The following COL4A5 variants were observed in gnomAD, a reference collection of about 807,000 sequenced individuals.
COL4A5 encodes the protein collagen type IV alpha 5 chain, also known as collagen alpha-5(IV) chain.
A neutral mutation model predicts 130.2 loss-of-function variants in COL4A5; 26 were observed. That is an observed-to-expected ratio of 0.20 (90% CI 0.15 to 0.28). The LOEUF (loss-of-function observed/expected upper bound fraction) is 0.28. Ranked by LOEUF, COL4A5 falls within the 10% of genes least tolerant of loss-of-function variation. COL4A5 has a pLI of 1.00. For missense variants in COL4A5, 1,131 were observed against 1,344.3 expected (o/e 0.84, Z 2.48); for synonymous variants, 496 against 439.6 (o/e 1.13, Z -1.60).
At chrX:108,615,438 C>T (rs1457277501) in intron 30 of COL4A5, among the ~76,000 whole-genome samples, 1 of 111,389 alleles carries the variant, frequency 9.0e-6, no homozygotes, top group African/African-American at 3.3e-5. Flanking sequence ...GCAAAACTTT[C>T]TGTAAAAGTG....
intron 1 of COL4A5, among the ~76,000 whole-genome samples, chrX:108,533,014 T>G (rs1177418001): frequency 1.8e-5 from 2 of 111,581 alleles, no homozygotes; most frequent in East Asian, 5.6e-4. Context: ...CAATGCAATT[T>G]TTTCACAGAA....
chrX:108,665,574 A>G lies in COL4A5; in HGVS notation c.3441A>G (p.Glu1147=). Residue 1147 remains glutamate, a synonymous_variant, in exon 38 of 53, where the codon GAA becomes GAG. Coordinates refer to ENST00000328300, the MANE Select transcript of COL4A5 (RefSeq NM_033380.3). ...CTGGGAACCCCGGCCTTCCAGGAGA[A>G]CCTGGTCCTGTAGGTAAGCATGAAA... ...GPPGNPGLPG[E]PGPVGGGGHP... 8.4e-7 allele frequency: 1 copy of G among 1,196,416 alleles called. No individual in the cohort carries two copies. Among genetic ancestry groups the G allele is most frequent in the Non-Finnish European group, 1.1e-6 (1 of 882,149 alleles).
At chrX:108,599,647 T>C (rs2066591642) in intron 25 of COL4A5, among the ~76,000 whole-genome samples, 1 of 111,582 alleles carries the variant, frequency 9.0e-6, no homozygotes, top group Non-Finnish European at 1.9e-5. Flanking sequence ...AGGGCAAGAG[T>C]TGGCACACTA....
In COL4A5 at chrX:108,620,425, A is replaced by G; in HGVS notation, c.2676A>G (p.Pro892=). 1 of 1,203,115 alleles carries G rather than the reference A, an allele frequency of 8.3e-7. No homozygotes were observed. The highest frequency in any genetic ancestry group is 1.1e-6 in the Non-Finnish European group (1 of 889,275). The change falls in exon 31 of 53, where the codon CCA becomes CCG. Residue 892 remains proline (P), a splice_region_variant and synonymous_variant. Coordinates refer to ENST00000328300, the MANE Select transcript of COL4A5 (RefSeq NM_033380.3). The stretch of plus-strand genomic sequence containing the variant: ...GAAAAGCAGGTGCCTCTGGATTTCC[A>G]GGTAATTTGTTTAAAGTTTTCTCTG... ...LPGKAGASGF[P]GTKGEMGMMG...
intron 1 of COL4A5, among the ~76,000 whole-genome samples, chrX:108,497,004 A>G (rs1467661605): frequency 8.9e-6 from 1 of 111,861 alleles, no homozygotes; most frequent in African/African-American, 3.2e-5. Context: ...GAGAAATCCC[A>G]TACCCTTTAC....
chrX:108,694,858 G>A lies in COL4A5; in HGVS notation c.4758G>A (p.Thr1586=), dbSNP rs761701751. 9 of 1,210,512 alleles carry A rather than the reference G, an allele frequency of 7.4e-6. No homozygotes were observed. The highest frequency in any genetic ancestry group is 7.8e-6 in the Non-Finnish European group (7 of 894,616). The change falls in exon 51 of 53, where the codon ACG becomes ACA. Residue 1586 remains threonine, a synonymous_variant. Coordinates refer to ENST00000328300, the MANE Select transcript of COL4A5 (RefSeq NM_033380.3). Reference sequence around the variant, plus strand: ...TGGTGATCGCAGTTCACAGTCAGACGATCCAGATTCCCCATTGTCCTCAGG... The same window carrying A: ...TGGTGATCGCAGTTCACAGTCAGACAATCCAGATTCCCCATTGTCCTCAGG... ...PAVVIAVHSQ[T]IQIPHCPQGW...
intron 1 of COL4A5, among the ~76,000 whole-genome samples, chrX:108,446,968 G>C (rs562035915): frequency 9.0e-6 from 1 of 111,095 alleles, no homozygotes; most frequent in South Asian, 3.8e-4. Flanking sequence ...TTTCTCCCCT[G>C]GGCAGAAGGT....
rs1266738786 is a variant in COL4A5 at position 108,504,051 on chromosome X, C to T, written c.82-35695C>T. 1.1e-4 allele frequency among the ~76,000 whole-genome samples: 12 copies of T among 111,456 alleles called. No individual in the cohort carries two copies. In the Admixed American group the frequency reaches 1.1e-3, roughly 11 times the overall value. On this transcript the variant is annotated intron_variant, in intron 1 of 52. Coordinates refer to ENST00000328300, the MANE Select transcript of COL4A5 (RefSeq NM_033380.3). ...GACTGGTACAAAAGTAGGCACATAA[C>T]AAATTGAAAAGAATAGAGAACTGAG...
intron 1 of COL4A5, among the ~76,000 whole-genome samples, chrX:108,534,776 C>T (rs1402045523): frequency 9.0e-6 from 1 of 111,278 alleles, no homozygotes; most frequent in African/African-American, 3.3e-5. Context: ...TTATGTTATG[C>T]AGTTATGTTC....
chrX:108,481,552 T>C (rs1236070971), intron 1 of COL4A5, among the ~76,000 whole-genome samples: 1 of 111,986 alleles, frequency 8.9e-6, no homozygotes, highest in Non-Finnish European at 1.9e-5. Context: ...TCAGTTTCGC[T>C]TCTAGGAACA....
intron 1 of COL4A5, among the ~76,000 whole-genome samples, chrX:108,528,734 G>T (rs2065350863): frequency 8.9e-6 from 1 of 112,473 alleles, no homozygotes; most frequent in African/African-American, 3.2e-5. Context: ...CTTGAAGTCA[G>T]TTCTTTTTAA....
intron 1 of COL4A5, among the ~76,000 whole-genome samples, chrX:108,456,209 A>T (rs1360602067): frequency 9.0e-6 from 1 of 111,646 alleles, no homozygotes; most frequent in Non-Finnish European, 1.9e-5. Flanking sequence ...TCTAAATGGT[A>T]TCATTTTTAA....
chrX:108,629,705 G>A (rs1177409224), intron 36 of COL4A5, among the ~76,000 whole-genome samples: 1 of 111,027 alleles, frequency 9.0e-6, no homozygotes, highest in African/African-American at 3.3e-5. Flanking sequence ...GGGTACATGT[G>A]CACAACGTGC....
intron 52 of COL4A5, 131 bp from the exon 53 acceptor site, chrX:108,696,166 G>A: frequency 1.8e-6 from 1 of 556,019 alleles, no homozygotes; most frequent in Non-Finnish European, 3.2e-6. Flanking sequence ...TCATATTGCT[G>A]AAAAGTAAAC....
At chrX:108,446,084 T>G (rs1337027171) in intron 1 of COL4A5, among the ~76,000 whole-genome samples, 1 of 111,701 alleles carries the variant, frequency 9.0e-6, no homozygotes, top group Non-Finnish European at 1.9e-5. Context: ...TGGTAAAGTT[T>G]TCATTTCATG....
intron 1 of COL4A5, among the ~76,000 whole-genome samples, chrX:108,476,519 C>CTTTTTTT (rs55972915): frequency 7.2e-5 from 4 of 55,857 alleles, no homozygotes; most frequent in African/African-American, 1.3e-4. Flanking sequence ...TCTAACTGTT[C>CTTTTTTT]TTTTTTTTTT....
intron 1 of COL4A5, among the ~76,000 whole-genome samples, chrX:108,500,973 A>G (rs2065074892): frequency 9.0e-6 from 1 of 111,043 alleles, no homozygotes; most frequent in African/African-American, 3.3e-5. Flanking sequence ...CAAAATAATT[A>G]GAGAAAAATT....
chrX:108,533,298 A>C (rs2065410739), intron 1 of COL4A5, among the ~76,000 whole-genome samples: 1 of 111,960 alleles, frequency 8.9e-6, no homozygotes, highest in East Asian at 2.8e-4. Flanking sequence ...CCTCTTCATT[A>C]AATGGTGCTG....
Position 108,622,689 on chromosome X carries a change from G to A in COL4A5, c.2781G>A (p.Leu927=). The part of the protein sequence containing the change: ...GVPGLKGDDG[L]QGQPGLPGPT... ...CATTGATTTTAGGTGATGATGGCTT[G>A]CAGGGTCAGCCAGGACTTCCTGGCC... The change falls in exon 33 of 53, where the codon TTG becomes TTA. Residue 927 remains leucine, a synonymous_variant. Transcript: ENST00000328300. 8.3e-7 allele frequency: 1 copy of A among 1,211,158 alleles called. No homozygotes were observed. The highest frequency in any genetic ancestry group is 1.1e-6 in the Non-Finnish European group (1 of 895,086).
Sources: gnomAD v4.1 joint callset for allele counts (sites outside exome capture counted in the v4.1 genomes callset) on GRCh38, gnomAD v4.1.1 for gene constraint, MANE v1.5 for transcripts, NCBI Gene and HGNC (gene_info 2026-07-23, HGNC 2026-07-21) for gene names.